The following OPCML variants were observed in gnomAD, a reference collection of about 807,000 sequenced individuals.
OPCML encodes the protein opioid-binding protein/cell adhesion molecule.
OPCML carries 13 observed loss-of-function variants against 37.8 expected under a neutral mutation model. The ratio of observed to expected loss-of-function variants is 0.34; its 90% CI spans 0.22 to 0.55. OPCML has a LOEUF of 0.55. Among genes scored for constraint, OPCML ranks in the 20% least tolerant of loss-of-function variants. The pLI is 0.91. For synonymous variants in OPCML, 176 were observed against 168.8 expected, an observed-to-expected ratio of 1.04 and a Z score of -0.33; for missense variants, 341 against 435.6, an observed-to-expected ratio of 0.78 and a Z score of 1.93.
intron 2 of OPCML, among the ~76,000 whole-genome samples, chr11:132,716,122 C>A (rs1944465686): frequency 6.6e-6 from 1 of 152,218 alleles, no homozygotes; most frequent in Non-Finnish European, 1.5e-5. Flanking sequence ...ATGAGAAGAG[C>A]TGCTGCTGAA....
In OPCML at chr11:133,258,938, G is replaced by A. The variant is rs1008726917; in HGVS notation, c.61+273326C>T. On this transcript the variant is annotated intron_variant, in intron 1 of 7. Coordinates refer to ENST00000524381, the MANE Select transcript of OPCML (RefSeq NM_001012393.5). ...GGAACAGCAGGGCCTGGCAGGCTTTGGATTTGAAATATGGATAATCCATTT... is the reference window on the plus strand; with the variant it reads ...GGAACAGCAGGGCCTGGCAGGCTTTAGATTTGAAATATGGATAATCCATTT... 3.3e-5 allele frequency among the ~76,000 whole-genome samples: 5 copies of A among 152,168 alleles called. No homozygotes were observed. In the East Asian group the frequency reaches 5.8e-4, roughly 18 times the overall value.
chr11:133,370,484 G>GAAA (rs202101542), intron 1 of OPCML, among the ~76,000 whole-genome samples: 8 of 86,090 alleles, frequency 9.3e-5, no homozygotes, highest in South Asian at 3.6e-4. Flanking sequence ...AGCTCAAACA[G>GAAA]AAAAAAAAAA....
chr11:133,179,370 T>C (rs981753437), intron 1 of OPCML, among the ~76,000 whole-genome samples: 1 of 151,914 alleles, frequency 6.6e-6, no homozygotes, highest in Non-Finnish European at 1.5e-5. Flanking sequence ...GCAGGTGCAG[T>C]GAATTGAGCC....
intron 1 of OPCML, among the ~76,000 whole-genome samples, chr11:133,482,089 C>T (rs912547904): frequency 1.3e-5 from 2 of 152,160 alleles, no homozygotes; most frequent in Non-Finnish European, 2.9e-5. Flanking sequence ...TAAGGCACAG[C>T]CTTGGAAGTG....
chr11:133,135,047 T>C (rs1222744147), intron 1 of OPCML, among the ~76,000 whole-genome samples: 4 of 152,280 alleles, frequency 2.6e-5, no homozygotes, highest in Middle Eastern at 3.4e-3. Context: ...GAGCACTGAA[T>C]TGTACAATCA....
At chr11:133,245,162 T>C (rs1940875783) in intron 1 of OPCML, among the ~76,000 whole-genome samples, 1 of 152,188 alleles carries the variant, frequency 6.6e-6, no homozygotes, top group Middle Eastern at 3.2e-3. Flanking sequence ...TTCTTTGGGG[T>C]GTGGAGCCAT....
At chr11:133,465,625 G>A (rs993996558) in intron 1 of OPCML, among the ~76,000 whole-genome samples, 13 of 152,094 alleles carry the variant, frequency 8.5e-5, no homozygotes, top group African/African-American at 1.7e-4. Flanking sequence ...CATAGGTTTC[G>A]TGGTGGAATA....
intron 2 of OPCML, among the ~76,000 whole-genome samples, chr11:132,727,933 C>G (rs1944944087): frequency 6.6e-6 from 1 of 152,214 alleles, no homozygotes; most frequent in Non-Finnish European, 1.5e-5. Flanking sequence ...TTCCCCAGCT[C>G]CTCTGCCGGG....
intron 2 of OPCML, among the ~76,000 whole-genome samples, chr11:132,923,816 T>A (rs1327406637): frequency 1.5e-5 from 2 of 134,690 alleles, no homozygotes; most frequent in Non-Finnish European, 3.1e-5. Flanking sequence ...CAGGCTGGAG[T>A]GCAATGGAGC....
chr11:133,427,097 T>C lies in OPCML; in HGVS notation c.61+105167A>G, dbSNP rs572617118. On this transcript the variant is annotated intron_variant, in intron 1 of 7. Coordinates refer to ENST00000524381, the MANE Select transcript of OPCML (RefSeq NM_001012393.5). ...CCTCCAATGAATGTAAGGATATAGA[T>C]AACTTGGTAATGTAATTAACAGGCT... Among the ~76,000 whole-genome samples the C allele has an allele frequency of 2.6e-5, 4 of 152,240 alleles. No individual in the cohort carries two copies. The South Asian group carries it at 6.2e-4, about 24-fold the overall frequency.
intron 1 of OPCML, among the ~76,000 whole-genome samples, chr11:133,285,555 G>C (rs905547819): frequency 1.3e-5 from 2 of 152,184 alleles, no homozygotes; most frequent in African/African-American, 4.8e-5. Flanking sequence ...GAGAGGAAGG[G>C]TAATAACAAA....
chr11:132,946,909 G>A (rs951414021), intron 1 of OPCML, among the ~76,000 whole-genome samples: 28 of 152,156 alleles, frequency 1.8e-4, no homozygotes, highest in African/African-American at 6.3e-4. Context: ...ATCACCAGAC[G>A]GGAAAGGCTC....
chr11:133,062,279 G>T (rs967128474), intron 1 of OPCML, among the ~76,000 whole-genome samples: 2 of 152,172 alleles, frequency 1.3e-5, no homozygotes, highest in Non-Finnish European at 2.9e-5. Flanking sequence ...AGACTGGACA[G>T]ACCCGAGTGA....
At chr11:132,685,786 T>A (rs1189430581) in intron 2 of OPCML, among the ~76,000 whole-genome samples, 2 of 152,158 alleles carry the variant, frequency 1.3e-5, no homozygotes, top group Non-Finnish European at 2.9e-5. Flanking sequence ...CTGGCTTGAA[T>A]CCCACCTCGT....
chr11:133,220,768 T>C (rs1002752655), intron 1 of OPCML, among the ~76,000 whole-genome samples: 1 of 152,104 alleles, frequency 6.6e-6, no homozygotes, highest in Non-Finnish European at 1.5e-5. Flanking sequence ...CTCTTCCATT[T>C]TCAAGCTCTG....
intron 2 of OPCML, among the ~76,000 whole-genome samples, chr11:132,823,760 C>T (rs1300640140): frequency 1.3e-5 from 2 of 152,120 alleles, no homozygotes; most frequent in Non-Finnish European, 2.9e-5. Context: ...ACCCCATCAT[C>T]CCTTCATCTC....
intron 1 of OPCML, among the ~76,000 whole-genome samples, chr11:133,250,819 C>T (rs1941108129): frequency 1.3e-5 from 2 of 152,036 alleles, no homozygotes; most frequent in African/African-American, 4.8e-5. Context: ...TAGTTGATGG[C>T]TCTTCTTTAA....
At chr11:132,568,923 G>C (rs2137550074) in intron 3 of OPCML, among the ~76,000 whole-genome samples, 1 of 152,296 alleles carries the variant, frequency 6.6e-6, no homozygotes, top group South Asian at 2.1e-4. Context: ...AATATGTTGT[G>C]ATATACAAAA....
At chr11:133,080,419 G>A (rs992418568) in intron 1 of OPCML, among the ~76,000 whole-genome samples, 1 of 151,294 alleles carries the variant, frequency 6.6e-6, no homozygotes. Context: ...GAATGCCAAC[G>A]ATTCCATACT....
Sources: gnomAD v4.1 joint callset for allele counts (sites outside exome capture counted in the v4.1 genomes callset) on GRCh38, gnomAD v4.1.1 for gene constraint, MANE v1.5 for transcripts, NCBI Gene and HGNC (gene_info 2026-07-23, HGNC 2026-07-21) for gene names.